The following ZBTB46 variants were observed in gnomAD, a reference collection of about 807,000 sequenced individuals.
ZBTB46 encodes zinc finger and BTB domain-containing protein 46.
A neutral mutation model predicts 44.1 loss-of-function variants in ZBTB46; 8 were observed. That is an observed-to-expected ratio of 0.18 (90% CI 0.11 to 0.33). The LOEUF (loss-of-function observed/expected upper bound fraction) is 0.33. Among genes scored for constraint, ZBTB46 ranks in the 10% least tolerant of loss-of-function variants. The pLI is 1.00. For synonymous variants in ZBTB46, 409 were observed against 382.3 expected (o/e 1.07, Z -0.81); for missense variants, 651 against 847.7 (o/e 0.77, Z 2.88).
intron 1 of ZBTB46, among the ~76,000 whole-genome samples, chr20:63,819,168 G>A (rs1376630913): frequency 6.6e-5 from 10 of 152,178 alleles, no homozygotes; most frequent in African/African-American, 2.4e-4. Flanking sequence ...GTGAGACTCT[G>A]TCTGAGAAGA....
chr20:63,817,032 G>A lies in ZBTB46; in HGVS notation c.-34+14065C>T, dbSNP rs145397799. On this transcript the variant is annotated intron_variant, in intron 1 of 4. Transcript: ENST00000245663. Reference sequence around the variant, plus strand: ...AGGCAGGAGAATCGCTTGAACCCAGGAGGCAGAGGTTGCGTTGAGCCAAGA... The same window carrying A: ...AGGCAGGAGAATCGCTTGAACCCAGAAGGCAGAGGTTGCGTTGAGCCAAGA... 3.5e-3 allele frequency among the ~76,000 whole-genome samples: 535 copies of A among 152,112 alleles called. 5 individuals are homozygous for A. Among genetic ancestry groups the A allele is most frequent in the African/African-American group, 0.012 (506 of 41,488 alleles).
chr20:63,756,601 G>A (rs1279922454), intron 3 of ZBTB46, among the ~76,000 whole-genome samples: 4 of 152,196 alleles, frequency 2.6e-5, no homozygotes, highest in African/African-American at 7.2e-5. Flanking sequence ...GTGCAAATAC[G>A]TATACAGCTC....
At position 63,747,166 on chromosome 20, in the gene ZBTB46, G is replaced by A. The variant is rs770842965; in HGVS notation, c.1534C>T (p.Pro512Ser). 9 of 1,608,932 alleles carry A rather than the reference G, an allele frequency of 5.6e-6. No individual in the cohort carries two copies. Among genetic ancestry groups the A allele is most frequent in the Middle Eastern group, 1.7e-4 (1 of 5,936 alleles). Residue 512 changes from proline to serine, a missense_variant, in exon 5 of 5, where the codon CCC becomes TCC. Coordinates refer to ENST00000245663, the MANE Select transcript of ZBTB46 (RefSeq NM_001369741.1). Reference protein sequence around the residue: ...TDCAGRGMAGPLDHGGGGGEG... With the variant: ...TDCAGRGMAGSLDHGGGGGEG... Reference sequence around the variant, plus strand: ...CCGCCTCCGCCGCCATGGTCCAGGGGCCCGGCCATGCCGCGGCCAGCACAG... The same window carrying A: ...CCGCCTCCGCCGCCATGGTCCAGGGACCCGGCCATGCCGCGGCCAGCACAG...
Position 63,752,460 on chromosome 20 carries a change from G to A in ZBTB46, c.1398+226C>T, listed in dbSNP as rs1427444566. Among the ~76,000 whole-genome samples the A allele has an allele frequency of 6.6e-6, 1 of 152,086 alleles. No homozygotes were observed. Among genetic ancestry groups the A allele is most frequent in the Non-Finnish European group, 1.5e-5 (1 of 67,986 alleles). On this transcript the variant is annotated intron_variant, in intron 4 of 4. Coordinates refer to ENST00000245663, the MANE Select transcript of ZBTB46 (RefSeq NM_001369741.1). The surrounding 1 kb of genome is among the most constrained non-coding windows in gnomAD (Gnocchi z 5.6). The stretch of plus-strand genomic sequence containing the variant: ...TGCCTTGGCGGCCAGCAGGTGAGCA[G>A]GGTGGGCCGAAGCCTCTGCAGGGGC...
At chr20:63,832,499 A>G (rs1568918371), upstream of ZBTB46, among the ~76,000 whole-genome samples, 1 of 151,914 alleles carries the variant, frequency 6.6e-6, no homozygotes, top group Non-Finnish European at 1.5e-5. This position sits in a 1 kb window ranked among gnomAD's most constrained non-coding sequence, Gnocchi z 5.0. Context: ...TCAAATCTGG[A>G]TGTGTGAGGC....
chr20:63,779,719 G>A (rs963949942), intron 2 of ZBTB46, among the ~76,000 whole-genome samples: 3 of 151,106 alleles, frequency 2.0e-5, no homozygotes, highest in Non-Finnish European at 4.4e-5. Context: ...ACCGCGCCCG[G>A]CCGCTAATTT....
chr20:63,813,960 CGCG>C (rs2092732689), intron 1 of ZBTB46, among the ~76,000 whole-genome samples: 1 of 152,108 alleles, frequency 6.6e-6, no homozygotes, highest in African/African-American at 2.4e-5. Flanking sequence ...AAGGGCCGGG[CGCG>C]GTGGCTCACG....
chr20:63,829,919 G>A (rs1295539189), intron 1 of ZBTB46, among the ~76,000 whole-genome samples: 1 of 152,156 alleles, frequency 6.6e-6, no homozygotes, highest in Non-Finnish European at 1.5e-5. Flanking sequence ...ATGCCCGTGA[G>A]TTCTCGGCGC....
intron 4 of ZBTB46, among the ~76,000 whole-genome samples, chr20:63,749,782 C>G (rs1356463252): frequency 6.6e-6 from 1 of 152,212 alleles, no homozygotes; most frequent in Non-Finnish European, 1.5e-5. Flanking sequence ...CCCCTTGAGG[C>G]CTAGGCTCCC....
intron 1 of ZBTB46, among the ~76,000 whole-genome samples, chr20:63,801,431 T>G (rs1009667134): frequency 9.8e-5 from 15 of 152,316 alleles, no homozygotes; most frequent in Admixed American, 3.9e-4. Context: ...CAATCAGCTC[T>G]CTGTAAAATG....
chr20:63,832,617 G>C (rs578176103), upstream of ZBTB46, among the ~76,000 whole-genome samples: 1 of 152,296 alleles, frequency 6.6e-6, no homozygotes, highest in Non-Finnish European at 1.5e-5. This position sits in a 1 kb window ranked among gnomAD's most constrained non-coding sequence, Gnocchi z 5.0. Flanking sequence ...CCTTACTGCC[G>C]TCGCGGGCGC....
Position 63,816,271 on chromosome 20 carries a change from C to T in ZBTB46, c.-34+14826G>A, listed in dbSNP as rs566098834. 2.3e-5 allele frequency: 5 copies of T among 221,648 alleles called. No individual in the cohort carries two copies. In the East Asian group the frequency reaches 5.7e-4, roughly 25 times the overall value. The allele number at this position is 221,648 out of a possible 1,614,324, so 13.7% of individuals were successfully genotyped here. A position where few individuals can be genotyped will look rare whatever the true frequency, so the allele number is the denominator to read the frequency against. On this transcript the variant is annotated intron_variant, in intron 1 of 4. Transcript: ENST00000245663. ...GATTGGGAGGCACAAGCAGCCGCAA[C>T]ACTCAGCTGCCCCTCTTGGCTCCAT... is the stretch of plus-strand genomic sequence containing the variant.
In ZBTB46 at chr20:63,830,997, G is replaced by A. The variant is rs1313270652; in HGVS notation, c.-34+100C>T. On this transcript the variant is annotated intron_variant, in intron 1 of 4. Transcript: ENST00000245663. ...GGCGGCCGGCGGCGGGGGCGCGCCCGGGCTCGCAGCGGCCCCGGCTCCCGG... is the reference window on the plus strand; with the variant it reads ...GGCGGCCGGCGGCGGGGGCGCGCCCAGGCTCGCAGCGGCCCCGGCTCCCGG... 16 of 142,250 alleles carry A rather than the reference G, an allele frequency of 1.1e-4. No individual in the cohort carries two copies. The East Asian group carries it at 3.3e-3, about 29-fold the overall frequency. The allele number at this position is 142,250 out of a possible 1,614,324, so 8.8% of individuals were successfully genotyped here.
chr20:63,811,902 A>G (rs1416410399), intron 1 of ZBTB46, among the ~76,000 whole-genome samples: 1 of 152,204 alleles, frequency 6.6e-6, no homozygotes, highest in East Asian at 1.9e-4. Flanking sequence ...TCTGGCTCAT[A>G]CATCGTTCAG....
chr20:63,818,627 G>A (rs534160963), intron 1 of ZBTB46, among the ~76,000 whole-genome samples: 29 of 152,194 alleles, frequency 1.9e-4, no homozygotes, highest in Middle Eastern at 3.4e-3. Context: ...ATGCCGAGGC[G>A]GACAGATCAC....
intron 1 of ZBTB46, among the ~76,000 whole-genome samples, chr20:63,795,345 G>A (rs2092594013): frequency 6.6e-6 from 1 of 152,210 alleles, no homozygotes; most frequent in Non-Finnish European, 1.5e-5. Context: ...TGCCTCAACC[G>A]CCGACAACCA....
intron 2 of ZBTB46, among the ~76,000 whole-genome samples, chr20:63,786,711 C>T (rs571708325): frequency 1.1e-4 from 16 of 152,270 alleles, no homozygotes; most frequent in East Asian, 3.9e-4. Flanking sequence ...GGGGTTTCAC[C>T]ATGTTGGCCA....
intron 1 of ZBTB46, among the ~76,000 whole-genome samples, chr20:63,806,823 G>C (rs4809351): frequency 0.18 from 27,315 of 150,062 alleles, 2,988 homozygotes; most frequent in East Asian, 0.45. Context: ...CGCTCTGTCG[G>C]CCAGGATGGA....
chr20:63,761,218 C>CG lies in ZBTB46; in HGVS notation c.1223-8358dup, dbSNP rs563848169. Among the ~76,000 whole-genome samples the CG allele has an allele frequency of 4.8e-4, 66 of 137,206 alleles. 2 individuals are homozygous for CG. The highest frequency in any genetic ancestry group is 8.1e-4 in the Non-Finnish European group (48 of 59,048). The allele number at this position is 137,206 out of a possible 152,430, so 90.0% of individuals were successfully genotyped here. A position where few individuals can be genotyped will look rare whatever the true frequency, so the allele number is the denominator to read the frequency against. ...TTCACCATGTTGACCAGACTGGTCT[C>CG]GAACTCCTGACCTCAAGTGATTGAC... is the stretch of plus-strand genomic sequence containing the variant. On this transcript the variant is annotated intron_variant, in intron 3 of 4. Coordinates refer to ENST00000245663, the MANE Select transcript of ZBTB46 (RefSeq NM_001369741.1).
Sources: allele counts gnomAD v4.1 joint callset (sites outside exome capture counted in the v4.1 genomes callset), GRCh38; gene constraint gnomAD v4.1.1; non-coding constraint Gnocchi (gnomAD v3.1); transcripts MANE v1.5; gene names NCBI Gene and HGNC (gene_info 2026-07-23, HGNC 2026-07-21).